The following NEIL3 variants were observed in gnomAD, a reference collection of about 807,000 sequenced individuals.
NEIL3 encodes endonuclease 8-like 3.
In NEIL3, 48 loss-of-function variants were observed where a neutral mutation model predicts 57.5. The ratio of observed to expected loss-of-function variants is 0.83; its 90% CI spans 0.66 to 1.06. NEIL3 has a LOEUF of 1.06. NEIL3 is among the 50% of genes least tolerant of loss of function. The probability of loss-of-function intolerance (pLI) is 0.00; values close to 1 mark genes in which losing one functional copy is unlikely to be tolerated. For synonymous variants in NEIL3, 261 were observed against 253.2 expected (o/e 1.03, Z -0.29); for missense variants, 717 against 739.1 (o/e 0.97, Z 0.35).
At position 177,310,108 on chromosome 4, in the gene NEIL3, A is replaced by C. The variant is rs1465631003; in HGVS notation, c.155A>C (p.Gln52Pro). The part of the protein sequence containing the change: ...LAASTVVVSP[Q>P]AAALNNDSSQ... ...GCCTCCACGGTTGTGGTCTCCCCGCAGGTGAGCTACTCCTGTAACAGGCCA... is the reference window on the plus strand; with the variant it reads ...GCCTCCACGGTTGTGGTCTCCCCGCCGGTGAGCTACTCCTGTAACAGGCCA... Residue 52 changes from glutamine (Q) to proline (P), a missense_variant and splice_region_variant, in exon 1 of 10, where the codon CAG (glutamine) becomes CCG (proline). Gln to Pro is a moderately conservative substitution (Grantham distance 76, BLOSUM62 -1). Transcript: ENST00000264596. The C allele has an allele frequency of 1.4e-5, 22 of 1,575,796 alleles. No individual in the cohort carries two copies. The highest frequency in any genetic ancestry group is 2.1e-4 in the Middle Eastern group (1 of 4,852).
intron 2 of NEIL3, among the ~76,000 whole-genome samples, chr4:177,333,236 T>G (rs1233298760): frequency 6.6e-6 from 1 of 152,160 alleles, no homozygotes; most frequent in Non-Finnish European, 1.5e-5. Context: ...ACTGCTTTGT[T>G]TATGCTATTT....
chr4:177,336,249 C>A lies in NEIL3; in HGVS notation c.555C>A (p.Asn185Lys), dbSNP rs150006122. 2 of 1,614,196 alleles carry A rather than the reference C, an allele frequency of 1.2e-6. No individual in the cohort carries two copies. The highest frequency in any genetic ancestry group is 1.7e-5 in the Admixed American group (1 of 60,020). The change falls in exon 4 of 10, where the codon AAC becomes AAA. Residue 185 changes from asparagine (N) to lysine (K), a missense_variant. Transcript: ENST00000264596. ...RMLGDVLMDQ[N>K]VLPGVGNIIK... is the part of the protein sequence containing the mutation. ...TAGGTGATGTGCTAATGGATCAGAA[C>A]GTATTGCCTGGAGTAGGGAACATCA... is the stretch of plus-strand genomic sequence containing the variant.
downstream of NEIL3, among the ~76,000 whole-genome samples, chr4:177,366,273 G>A (rs1167012897): frequency 2.0e-5 from 3 of 152,128 alleles, no homozygotes; most frequent in South Asian, 6.2e-4. Context: ...GAGATTGAAG[G>A]ATCTATTATA....
In NEIL3 at chr4:177,351,461, G is replaced by A. The variant is rs764380563; in HGVS notation, c.951G>A (p.Ser317=). 13 of 1,613,888 alleles carry A rather than the reference G, an allele frequency of 8.1e-6. No individual in the cohort carries two copies. Among genetic ancestry groups the A allele is most frequent in the African/African-American group, 2.7e-5 (2 of 75,010 alleles). Residue 317 remains serine (S), a synonymous_variant, in exon 7 of 10, where the codon TCG becomes TCA. Transcript: ENST00000264596. ...TTATGGACTCCGTGGCTCGGAAGTC[G>A]GAAGAGCACTGGACCTGTGTGGTGT... The part of the protein sequence containing the change: ...DHVMDSVARK[S]EEHWTCVVCT...
chr4:177,315,154 G>C (rs893763390), intron 1 of NEIL3, among the ~76,000 whole-genome samples: 4 of 151,728 alleles, frequency 2.6e-5, no homozygotes, highest in African/African-American at 9.7e-5. Context: ...AGTAAATATG[G>C]TATTTTCTTC....
At chr4:177,359,256 C>T (rs1310502278) in intron 8 of NEIL3, among the ~76,000 whole-genome samples, 1 of 152,184 alleles carries the variant, frequency 6.6e-6, no homozygotes, top group African/African-American at 2.4e-5. Context: ...ATTGATTTAG[C>T]AATGCCTGCA....
At chr4:177,341,891 C>A (rs1172228926) in intron 6 of NEIL3, among the ~76,000 whole-genome samples, 1 of 152,096 alleles carries the variant, frequency 6.6e-6, no homozygotes, top group African/African-American at 2.4e-5. Flanking sequence ...TAGCCTTTAC[C>A]TTTAACCTAG....
intron 6 of NEIL3, among the ~76,000 whole-genome samples, chr4:177,346,867 C>T (rs1735230158): frequency 6.6e-6 from 1 of 151,894 alleles, no homozygotes; most frequent in South Asian, 2.1e-4. Context: ...GGTGTGGTGG[C>T]GTGCACCTGT....
At chr4:177,360,699 C>G (rs759228588) in intron 9 of NEIL3, 22 bp downstream of exon 9, 1 of 1,546,604 alleles carries the variant, frequency 6.5e-7, no homozygotes, top group Non-Finnish European at 8.8e-7. Flanking sequence ...ATTTATCTAG[C>G]TTACTAAAAT....
chr4:177,353,461 A>G lies in NEIL3; in HGVS notation c.1193A>G (p.Lys398Arg). ...TTLVLTDFSNKSSTLERKTKQ... is the reference protein window; with the variant it reads ...TTLVLTDFSNRSSTLERKTKQ... The stretch of plus-strand genomic sequence containing the variant: ...CTTGTCTTGACTGATTTTAGCAATA[A>G]ATCCAGTACTTTGGAAAGAAAAACA... The change falls in exon 8 of 10, where the codon AAA (lysine) becomes AGA (arginine). Residue 398 changes from lysine to arginine, a missense_variant. Physicochemically the swap from Lys to Arg is conservative, Grantham distance 26. Coordinates refer to ENST00000264596, the MANE Select transcript of NEIL3 (RefSeq NM_018248.3). The G allele has an allele frequency of 6.2e-7, 1 of 1,613,980 alleles. No individual in the cohort carries two copies. The highest frequency in any genetic ancestry group is 8.5e-7 in the Non-Finnish European group (1 of 1,179,996).
chr4:177,336,412 A>C, intron 4 of NEIL3, 91 bp downstream of exon 4: 1 of 955,696 alleles, frequency 1.0e-6, no homozygotes, highest in East Asian at 2.5e-5. Context: ...TTTCAGTAAC[A>C]CAGTCTCATC....
rs1402754135 is a variant in NEIL3 at position 177,362,328 on chromosome 4, C to A, written c.1675C>A (p.Arg559Ser). 1 of 1,610,674 alleles carries A rather than the reference C, an allele frequency of 6.2e-7. No individual in the cohort carries two copies. Residue 559 changes from arginine (R) to serine (S), a missense_variant, in exon 10 of 10, where the codon CGT becomes AGT. Physicochemically the swap from Arg to Ser is moderately radical, Grantham distance 110 (BLOSUM62 -1). Coordinates refer to ENST00000264596, the MANE Select transcript of NEIL3 (RefSeq NM_018248.3). ...LSFPFCNHGK[R>S]STMKTVLKIG... Reference sequence around the variant, plus strand: ...CTTCCCATTCTGCAACCATGGCAAGCGTTCCACCATGAAAACAGTATTGAA... The same window carrying A: ...CTTCCCATTCTGCAACCATGGCAAGAGTTCCACCATGAAAACAGTATTGAA...
intron 6 of NEIL3, among the ~76,000 whole-genome samples, chr4:177,349,928 A>G (rs1560919500): frequency 1.3e-5 from 2 of 152,236 alleles, no homozygotes; most frequent in African/African-American, 2.4e-5. Context: ...TAAATGCATC[A>G]TGCTGCCTTT....
intron 6 of NEIL3, among the ~76,000 whole-genome samples, chr4:177,348,163 A>G (rs1735261947): frequency 6.6e-6 from 1 of 152,158 alleles, no homozygotes; most frequent in Admixed American, 6.5e-5. Flanking sequence ...GAAAACACAG[A>G]TTGCCGGGCC....
chr4:177,318,787 T>C (rs754316705), intron 1 of NEIL3, among the ~76,000 whole-genome samples: 2 of 152,342 alleles, frequency 1.3e-5, no homozygotes, highest in South Asian at 2.1e-4. Flanking sequence ...TACTGTGTTA[T>C]TGTGTTTATT....
At chr4:177,361,410 G>A (rs762714790) in intron 9 of NEIL3, among the ~76,000 whole-genome samples, 17 of 152,274 alleles carry the variant, frequency 1.1e-4, no homozygotes, top group Middle Eastern at 3.4e-3. Flanking sequence ...CAGTGCTGGC[G>A]CAAAGATTTT....
chr4:177,322,998 C>A (rs1479788116), intron 2 of NEIL3, among the ~76,000 whole-genome samples: 1 of 152,068 alleles, frequency 6.6e-6, no homozygotes, highest in Non-Finnish European at 1.5e-5. Context: ...TTCTCTGAAG[C>A]CTTGAATGGA....
At chr4:177,316,063 C>G (rs754432352) in intron 1 of NEIL3, among the ~76,000 whole-genome samples, 2 of 152,074 alleles carry the variant, frequency 1.3e-5, no homozygotes, top group African/African-American at 2.4e-5. Context: ...TACATACAAC[C>G]TATGTTAGTT....
downstream of NEIL3, among the ~76,000 whole-genome samples, chr4:177,364,212 C>T (rs1214825085): frequency 6.6e-6 from 1 of 152,202 alleles, no homozygotes; most frequent in African/African-American, 2.4e-5. Flanking sequence ...GTGGGGGTTT[C>T]TGCCTCCTTG....
Sources: gnomAD v4.1 joint callset for allele counts (sites outside exome capture counted in the v4.1 genomes callset) on GRCh38, gnomAD v4.1.1 for gene constraint, MANE v1.5 for transcripts, NCBI Gene and HGNC (gene_info 2026-07-23, HGNC 2026-07-21) for gene names.